EZH1: variants seen among roughly 807,000 people sequenced by gnomAD.
EZH1 encodes enhancer of zeste 1 polycomb repressive complex 2 subunit.
A neutral mutation model predicts 100.5 loss-of-function variants in EZH1; 33 were observed. The observed-to-expected ratio is 0.33, with a 90% CI of 0.25 to 0.44. EZH1 has a LOEUF of 0.44. EZH1 is among the 20% of genes least tolerant of loss of function. The pLI is 1.00. For missense variants in EZH1, 475 were observed against 928.4 expected (o/e 0.51, Z 6.35); for synonymous variants, 272 against 313.8 (o/e 0.87, Z 1.41).
At chr17:42,709,987 G>C in intron 12 of EZH1, 50 bp from the exon 13 acceptor site, 3 of 1,548,462 alleles carry the variant, frequency 1.9e-6, no homozygotes, top group African/African-American at 1.4e-5. Flanking sequence ...AGGGGGTCAG[G>C]TAAGTGGCCC....
In EZH1 at chr17:42,734,666, CAAA is replaced by C. The variant is rs61706510; in HGVS notation, c.-102-3751_-102-3749del. Among the ~76,000 whole-genome samples the C allele has an allele frequency of 1.6e-3, 111 of 70,060 alleles. 1 individual carries two copies. Among genetic ancestry groups the C allele is most frequent in the African/African-American group, 3.8e-3 (100 of 26,458 alleles). The allele number at this position is 70,060 out of a possible 152,430, so 46.0% of individuals were successfully genotyped here. A position where few individuals can be genotyped will look rare whatever the true frequency, so the allele number is the denominator to read the frequency against. On this transcript the variant is annotated intron_variant, in intron 1 of 20. Coordinates refer to ENST00000428826, the MANE Select transcript of EZH1 (RefSeq NM_001991.5). ...CCTGGGTGACAGAGTGAGGCCTTGTCAAAAAAAAAAAAAAAAGTAAAGAAAGAA... is the reference window on the plus strand; with the variant it reads ...CCTGGGTGACAGAGTGAGGCCTTGTCAAAAAAAAAAAAAGTAAAGAAAGAA...
At position 42,728,835 on chromosome 17, in the gene EZH1, A is replaced by G; in HGVS notation, c.107T>C (p.Met36Thr). 1.9e-6 allele frequency: 3 copies of G among 1,613,556 alleles called. No individual in the cohort carries two copies. The highest frequency in any genetic ancestry group is 2.2e-5 in the East Asian group (1 of 44,850). Residue 36 changes from methionine (M) to threonine (T), a missense_variant, in exon 3 of 21, where the codon ATG becomes ACG. Coordinates refer to ENST00000428826, the MANE Select transcript of EZH1 (RefSeq NM_001991.5). ...GGAATTATTTTTTACCTTTGCACCC[A>G]TATTTGCCTGAAGCCGTTTAAGTTG... ...LRQLKRLQAN[M>T]GAKALYVANF...
At chr17:42,722,560 G>T (rs1410350325) in intron 6 of EZH1, among the ~76,000 whole-genome samples, 1 of 146,824 alleles carries the variant, frequency 6.8e-6, no homozygotes, top group Non-Finnish European at 1.5e-5. Context: ...AGGAGGCAGA[G>T]ATTGCAGTGA....
chr17:42,742,330 A>G (rs1056605275), intron 1 of EZH1, among the ~76,000 whole-genome samples: 1 of 151,948 alleles, frequency 6.6e-6, no homozygotes, highest in African/African-American at 2.4e-5. Context: ...TTTAGTAGAG[A>G]TGGGGTTTCA....
intron 14 of EZH1, 26 bp from the exon 15 acceptor site, chr17:42,708,109 C>G: frequency 6.4e-7 from 1 of 1,572,634 alleles, no homozygotes; most frequent in Non-Finnish European, 8.6e-7. Flanking sequence ...GAGGAGGATG[C>G]TGCTGTGACC....
chr17:42,715,505 C>A (rs986155494), intron 10 of EZH1, among the ~76,000 whole-genome samples: 3 of 151,770 alleles, frequency 2.0e-5, no homozygotes, highest in Non-Finnish European at 2.9e-5. Context: ...CTTCAGCCCC[C>A]CAAATTGCTG....
chr17:42,742,602 C>T, intron 1 of EZH1, among the ~76,000 whole-genome samples: 1 of 152,208 alleles, frequency 6.6e-6, no homozygotes, highest in Non-Finnish European at 1.5e-5. Flanking sequence ...ACCTGACTCC[C>T]AGTGCCAGAA....
In EZH1 at chr17:42,708,895, C is replaced by G; in HGVS notation, c.1515G>C (p.Arg505Ser). Residue 505 changes from arginine to serine, a missense_variant, in exon 14 of 21, where the codon AGG becomes AGC. Physicochemically the swap from Arg to Ser is moderately radical, Grantham distance 110. Transcript: ENST00000428826. The stretch of plus-strand genomic sequence containing the variant: ...ACTTACCTTTCTTCAGCTGAATCTT[C>G]CTGCAGTGTGCAGCCCACAATCTGA... ...RKHRLWAAHC[R>S]KIQLKKDNSS... The G allele has an allele frequency of 6.2e-7, 1 of 1,614,186 alleles. No individual in the cohort carries two copies. The highest frequency in any genetic ancestry group is 8.5e-7 in the Non-Finnish European group (1 of 1,180,028).
chr17:42,718,228 T>A lies in EZH1; in HGVS notation c.932-161A>T. On this transcript the variant is annotated intron_variant, in intron 9 of 20. Transcript: ENST00000428826. The surrounding 1 kb of genome is among the most constrained non-coding windows in gnomAD (Gnocchi z 4.2). ...GTCATTTCTGACATCAACACAATGC[T>A]TTCAAAGCTAAGAGGTACTGAGGGA... The A allele has an allele frequency of 1.2e-6, 1 of 843,268 alleles. No homozygotes were observed. The highest frequency in any genetic ancestry group is 3.1e-4 in the Middle Eastern group (1 of 3,216). 52.2% of individuals were successfully genotyped at this position (843,268 alleles called of 1,614,324 possible).
At chr17:42,744,371 T>G (rs749841552) in intron 1 of EZH1, among the ~76,000 whole-genome samples, 1 of 152,082 alleles carries the variant, frequency 6.6e-6, no homozygotes, top group Non-Finnish European at 1.5e-5. Context: ...AGACCAAAAG[T>G]CTGGAGTGAA....
Position 42,707,450 on chromosome 17 carries a change from C to T in EZH1, c.1660+508G>A, listed in dbSNP as rs573135175. 3.9e-4 allele frequency among the ~76,000 whole-genome samples: 60 copies of T among 152,252 alleles called. 1 individual carries two copies. In the South Asian group the frequency reaches 0.012, roughly 31 times the overall value. ...CTAATTTTTGTATTCTTAGTAGAGACGGGGTTCACCATGTTGGCCAGGCTG... is the reference window on the plus strand; with the variant it reads ...CTAATTTTTGTATTCTTAGTAGAGATGGGGTTCACCATGTTGGCCAGGCTG... On this transcript the variant is annotated intron_variant, in intron 15 of 20. Coordinates refer to ENST00000428826, the MANE Select transcript of EZH1 (RefSeq NM_001991.5).
At chr17:42,724,545 G>A (rs968388522) in intron 4 of EZH1, 121 bp from the exon 5 acceptor site, 2 of 1,222,634 alleles carry the variant, frequency 1.6e-6, no homozygotes, top group African/African-American at 3.0e-5. Flanking sequence ...AGCACTTTGG[G>A]AGGCCAAGAC....
chr17:42,720,147 T>C, intron 7 of EZH1, 126 bp downstream of exon 7: 1 of 912,170 alleles, frequency 1.1e-6, no homozygotes, highest in African/African-American at 1.7e-5. Context: ...AATGATCATG[T>C]TCTCCTTTTA....
chr17:42,728,779 C>T, intron 3 of EZH1, 46 bp downstream of exon 3: 1 of 1,587,886 alleles, frequency 6.3e-7, no homozygotes, highest in Non-Finnish European at 8.6e-7. Context: ...TACACTGGGT[C>T]AGTATATTGA....
intron 10 of EZH1, chr17:42,714,440 G>A: frequency 3.0e-6 from 1 of 328,522 alleles, no homozygotes; most frequent in South Asian, 3.1e-5. Flanking sequence ...CATGTGGCGT[G>A]TGCCCAGCAG....
At chr17:42,709,723 C>G in intron 13 of EZH1, 123 bp downstream of exon 13, 1 of 833,550 alleles carries the variant, frequency 1.2e-6, no homozygotes, top group Non-Finnish European at 1.9e-6. Flanking sequence ...TGATGCCAAG[C>G]TGATGGGCTC....
chr17:42,720,529 A>T, intron 6 of EZH1, 80 bp from the exon 7 acceptor site: 1 of 1,295,256 alleles, frequency 7.7e-7, no homozygotes, highest in Non-Finnish European at 1.1e-6. Flanking sequence ...TCTTGTACTC[A>T]CTCCAGAGGC....
Position 42,720,195 on chromosome 17 carries a change from C to G in EZH1, c.664+78G>C, listed in dbSNP as rs375241221. 3 of 1,484,842 alleles carry G rather than the reference C, an allele frequency of 2.0e-6. No homozygotes were observed. The African/African-American group carries it at 4.2e-5, about 21-fold the overall frequency. 92.0% of individuals were successfully genotyped at this position (1,484,842 alleles called of 1,614,324 possible). ...AGAAGCACCAACAGCCTTTAATAGG[C>G]AACAAATCTTTCCAGTTCTTCCTTC... is the stretch of plus-strand genomic sequence containing the variant. On this transcript the variant is annotated intron_variant, in intron 7 of 20. Coordinates refer to ENST00000428826, the MANE Select transcript of EZH1 (RefSeq NM_001991.5).
At chr17:42,723,319 A>G (rs1168384409) in intron 5 of EZH1, among the ~76,000 whole-genome samples, 2 of 152,020 alleles carry the variant, frequency 1.3e-5, no homozygotes, top group African/African-American at 4.8e-5. Flanking sequence ...AGGTTGCAGT[A>G]AGCTGAGATC....
Sources: allele counts gnomAD v4.1 joint callset (sites outside exome capture counted in the v4.1 genomes callset), GRCh38; gene constraint gnomAD v4.1.1; non-coding constraint Gnocchi (gnomAD v3.1); transcripts MANE v1.5; gene names NCBI Gene and HGNC (gene_info 2026-07-23, HGNC 2026-07-21).